Variants in GALNT13 observed in about 807,000 individuals in gnomAD.
GALNT13 encodes the protein UDP-GalNAc:polypeptide N-acetylgalactosaminyltransferase 13.
A neutral mutation model predicts 64.2 loss-of-function variants in GALNT13; 28 were observed. That is an observed-to-expected ratio of 0.44 (90% CI 0.32 to 0.60). GALNT13 has a LOEUF of 0.60. GALNT13 is among the 20% of genes least tolerant of loss of function. GALNT13 has a pLI of 0.05. For missense variants in GALNT13, 577 were observed against 669.8 expected (o/e 0.86, Z 1.53); for synonymous variants, 214 against 224.6 (o/e 0.95, Z 0.42).
chr2:153,754,001 A>T, the GALNT13 span, among the ~76,000 whole-genome samples: 1 of 152,196 alleles, frequency 6.6e-6, no homozygotes, highest in Non-Finnish European at 1.5e-5. Context: ...TGCCACCACA[A>T]TTCCACTGTA....
At chr2:153,111,032 T>C in the GALNT13 span, among the ~76,000 whole-genome samples, 1 of 152,130 alleles carries the variant, frequency 6.6e-6, no homozygotes, top group Non-Finnish European at 1.5e-5. Context: ...CCTTCCATAA[T>C]TAGTCATTGA....
intron 2 of GALNT13, among the ~76,000 whole-genome samples, chr2:153,911,152 AAT>A (rs1688910946): frequency 6.6e-6 from 1 of 152,180 alleles, no homozygotes; most frequent in African/African-American, 2.4e-5. Flanking sequence ...TGTCAACCTG[AAT>A]CCTTTACCAT....
chr2:153,842,786 A>G, the GALNT13 span, among the ~76,000 whole-genome samples: 36 of 152,182 alleles, frequency 2.4e-4, no homozygotes, highest in African/African-American at 8.7e-4. Flanking sequence ...GGTAACCCAG[A>G]TGCTGTAATA....
chr2:153,724,248 C>T, the GALNT13 span, among the ~76,000 whole-genome samples: 2 of 143,496 alleles, frequency 1.4e-5, no homozygotes, highest in Non-Finnish European at 3.0e-5. Context: ...AACTGGCTAG[C>T]CATATGTAGA....
chr2:154,155,204 T>C (rs912193016), intron 4 of GALNT13, among the ~76,000 whole-genome samples: 5 of 152,176 alleles, frequency 3.3e-5, no homozygotes, highest in Non-Finnish European at 7.4e-5. Context: ...TATTTCATCT[T>C]TATGAAATCA....
intron 3 of GALNT13, among the ~76,000 whole-genome samples, chr2:153,966,219 C>CTTTTTTT (rs761961683): frequency 1.3e-4 from 16 of 120,070 alleles, no homozygotes; most frequent in Non-Finnish European, 1.9e-4. Context: ...GGTTGGATTT[C>CTTTTTTT]TTTTTTTTTT....
At chr2:153,621,905 G>C in the GALNT13 span, among the ~76,000 whole-genome samples, 1 of 152,130 alleles carries the variant, frequency 6.6e-6, no homozygotes, top group Non-Finnish European at 1.5e-5. Flanking sequence ...TAGTAATACA[G>C]AGTGAAACTT....
the GALNT13 span, among the ~76,000 whole-genome samples, chr2:153,429,278 T>G: frequency 6.6e-6 from 1 of 152,214 alleles, no homozygotes; most frequent in Non-Finnish European, 1.5e-5. Context: ...TCAGAGCATA[T>G]CTACTTCCTT....
the GALNT13 span, among the ~76,000 whole-genome samples, chr2:153,371,801 C>A: frequency 6.6e-6 from 1 of 152,176 alleles, no homozygotes; most frequent in Non-Finnish European, 1.5e-5. Context: ...AAAGCTGATT[C>A]TAAAATTTAT....
intron 12 of GALNT13, chr2:154,441,680 C>T (rs945385077): frequency 2.0e-5 from 3 of 152,130 alleles, no homozygotes. Flanking sequence ...CTCCCATAGT[C>T]CTTTCAATCT....
chr2:153,677,284 T>C, the GALNT13 span, among the ~76,000 whole-genome samples: 14 of 144,764 alleles, frequency 9.7e-5, no homozygotes, highest in Non-Finnish European at 1.2e-4. Flanking sequence ...ACAATAGACA[T>C]ACACACACAC....
intron 10 of GALNT13, among the ~76,000 whole-genome samples, chr2:154,404,341 C>T (rs1031068086): frequency 2.0e-5 from 3 of 152,112 alleles, no homozygotes; most frequent in African/African-American, 7.2e-5. Flanking sequence ...TCTGAATTTT[C>T]CCATTAAAAC....
the GALNT13 span, among the ~76,000 whole-genome samples, chr2:153,626,302 G>A: frequency 6.6e-5 from 10 of 152,170 alleles, no homozygotes; most frequent in African/African-American, 2.2e-4. Context: ...CAACACAAAA[G>A]TGTTCACAAA....
the GALNT13 span, among the ~76,000 whole-genome samples, chr2:153,604,310 G>A: frequency 2.6e-5 from 4 of 152,068 alleles, no homozygotes; most frequent in African/African-American, 9.6e-5. Context: ...AAACTTCATG[G>A]AAAATAAATG....
chr2:153,996,024 C>T (rs13388739), intron 3 of GALNT13, among the ~76,000 whole-genome samples: 31,065 of 152,146 alleles, frequency 0.2, 4,093 homozygotes, highest in Middle Eastern at 0.33. Context: ...GTTTTAATAG[C>T]CGAATAGCAT....
chr2:153,806,322 A>G, the GALNT13 span, among the ~76,000 whole-genome samples: 1 of 152,102 alleles, frequency 6.6e-6, no homozygotes, highest in African/African-American at 2.4e-5. Context: ...TAATAAGGAT[A>G]ATTGCAATTG....
chr2:154,178,615 G>A (rs1282032174), intron 4 of GALNT13, among the ~76,000 whole-genome samples: 1 of 152,112 alleles, frequency 6.6e-6, no homozygotes. Context: ...TGCACACGGA[G>A]TTGGTCACAA....
intron 2 of GALNT13, among the ~76,000 whole-genome samples, chr2:153,911,474 G>C (rs916232603): frequency 9.2e-5 from 14 of 152,198 alleles, no homozygotes; most frequent in African/African-American, 3.4e-4. Flanking sequence ...TTTTTATGCA[G>C]ATTTGTTTTT....
chr2:154,313,225 T>A (rs185054712), intron 9 of GALNT13, among the ~76,000 whole-genome samples: 1 of 148,820 alleles, frequency 6.7e-6, no homozygotes, highest in Admixed American at 6.7e-5. Context: ...ACACACACAC[T>A]ATATATATAT....
Sources: gnomAD v4.1 joint callset for allele counts (sites outside exome capture counted in the v4.1 genomes callset) on GRCh38, gnomAD v4.1.1 for gene constraint, MANE v1.5 for transcripts, NCBI Gene and HGNC (gene_info 2026-07-23, HGNC 2026-07-21) for gene names.